The following CEP112 variants were observed in gnomAD, a reference collection of about 807,000 sequenced individuals.
CEP112 encodes the protein centrosomal protein of 112 kDa.
In CEP112, 127 loss-of-function variants were observed where a neutral mutation model predicts 153.0. That is an observed-to-expected ratio of 0.83 (90% CI 0.72 to 0.96). CEP112 has a LOEUF of 0.96. Ranked by LOEUF, CEP112 falls within the 40% of genes least tolerant of loss-of-function variation. The pLI is 0.00. For synonymous variants in CEP112, 358 were observed against 374.4 expected (o/e 0.96, Z 0.51); for missense variants, 1,089 against 1,101.2 (o/e 0.99, Z 0.16).
intron 6 of CEP112, among the ~76,000 whole-genome samples, chr17:66,097,152 A>C (rs1323779694): frequency 6.6e-6 from 1 of 152,206 alleles, no homozygotes; most frequent in Non-Finnish European, 1.5e-5. Context: ...TCTCCCTTTC[A>C]GATTCATCTA....
chr17:66,038,110 A>AAAAG (rs1555778646), intron 12 of CEP112, among the ~76,000 whole-genome samples: 5 of 120,708 alleles, frequency 4.1e-5, no homozygotes, highest in Admixed American at 8.1e-5. Context: ...CAAAAAAAAA[A>AAAAG]AAAAGAAAAG....
chr17:65,771,107 A>C (rs2053328528), intron 21 of CEP112, among the ~76,000 whole-genome samples: 1 of 152,068 alleles, frequency 6.6e-6, no homozygotes, highest in Non-Finnish European at 1.5e-5. Flanking sequence ...TTTTAAAAAA[A>C]AGTTTAACTA....
chr17:65,807,106 T>G (rs1568042524), intron 21 of CEP112, among the ~76,000 whole-genome samples: 1 of 152,094 alleles, frequency 6.6e-6, no homozygotes, highest in African/African-American at 2.4e-5. Flanking sequence ...GATAAAGAAC[T>G]TATTGGGAAG....
Position 65,928,249 on chromosome 17 carries a change from T to C in CEP112, c.1873-560A>G, listed in dbSNP as rs370489483. ...ACATATCACTTCATGCCCCAAAGAA[T>C]AGCAATAATAAAAAAGGACAAATAG... On this transcript the variant is annotated intron_variant, in intron 18 of 26. Transcript: ENST00000535342. 1.7e-4 allele frequency among the ~76,000 whole-genome samples: 26 copies of C among 152,204 alleles called. No individual in the cohort carries two copies. In the East Asian group the frequency reaches 2.3e-3, roughly 14 times the overall value.
chr17:65,989,641 A>G (rs2063526769), intron 17 of CEP112, among the ~76,000 whole-genome samples: 1 of 152,194 alleles, frequency 6.6e-6, no homozygotes, highest in Admixed American at 6.5e-5. Context: ...TTAGAAAGAA[A>G]AAAATACTAA....
chr17:66,149,107 A>C (rs2071049782), intron 4 of CEP112, among the ~76,000 whole-genome samples: 1 of 152,152 alleles, frequency 6.6e-6, no homozygotes, highest in Admixed American at 6.5e-5. Context: ...TTCTCCTTTG[A>C]TTCTGTTAAT....
At chr17:66,068,036 T>C (rs1197902863) in intron 9 of CEP112, among the ~76,000 whole-genome samples, 1 of 152,126 alleles carries the variant, frequency 6.6e-6, no homozygotes, top group African/African-American at 2.4e-5. Flanking sequence ...GCTCAAAATA[T>C]GTCAAAAATT....
chr17:65,921,321 T>C (rs1439885619), intron 19 of CEP112, among the ~76,000 whole-genome samples: 6 of 152,162 alleles, frequency 3.9e-5, no homozygotes, highest in South Asian at 4.1e-4. Context: ...TGCTGGCTTG[T>C]AGAGCTCACT....
intron 16 of CEP112, among the ~76,000 whole-genome samples, chr17:66,015,632 C>T (rs2064736863): frequency 6.6e-6 from 1 of 152,142 alleles, no homozygotes; most frequent in African/African-American, 2.4e-5. Context: ...TTTAGGTTTG[C>T]AAATAAGAAG....
At position 65,756,405 on chromosome 17, in the gene CEP112, CAAAAAAAAAAA is replaced by C. The variant is rs766476895; in HGVS notation, c.2395-5692_2395-5682del. Among the ~76,000 whole-genome samples, 228 of 30,520 alleles carry C rather than the reference CAAAAAAAAAAA, an allele frequency of 7.5e-3. 10 individuals are homozygous for C. The South Asian group carries it at 0.18, about 24-fold the overall frequency. The allele number at this position is 30,520 out of a possible 152,430, so 20.0% of individuals were successfully genotyped here. On this transcript the variant is annotated intron_variant, in intron 21 of 26. Transcript: ENST00000535342. ...TGTGTGATGCAGCAAGACTCCGTCT[CAAAAAAAAAAA>C]AAAAAAAAAAAAAAAAAGAAATCAG...
intron 8 of CEP112, among the ~76,000 whole-genome samples, chr17:66,088,887 C>T (rs1405347770): frequency 6.6e-6 from 1 of 152,118 alleles, no homozygotes; most frequent in Non-Finnish European, 1.5e-5. Context: ...CATCCCAGAA[C>T]CTGTCTGGCC....
intron 23 of CEP112, among the ~76,000 whole-genome samples, chr17:65,705,399 T>G (rs2048863176): frequency 6.6e-6 from 1 of 152,200 alleles, no homozygotes; most frequent in Non-Finnish European, 1.5e-5. Flanking sequence ...TAAAACTCTT[T>G]CTGAATAATT....
At chr17:65,907,273 G>A (rs751018179) in intron 19 of CEP112, among the ~76,000 whole-genome samples, 1 of 152,098 alleles carries the variant, frequency 6.6e-6, no homozygotes, top group Non-Finnish European at 1.5e-5. Flanking sequence ...CAATGATCAT[G>A]CCCATGTTCA....
At chr17:66,124,318 C>T (rs905871748) in intron 6 of CEP112, among the ~76,000 whole-genome samples, 60 of 152,136 alleles carry the variant, frequency 3.9e-4, no homozygotes, top group African/African-American at 1.3e-3. Flanking sequence ...ACTGGCCAAA[C>T]TCTGAAGGAA....
chr17:65,701,390 G>A (rs556713198), intron 23 of CEP112, among the ~76,000 whole-genome samples: 5 of 152,148 alleles, frequency 3.3e-5, no homozygotes, highest in Non-Finnish European at 5.9e-5. Flanking sequence ...TGCATGACAC[G>A]GATTCAACAG....
rs71361241 is a variant in CEP112 at position 65,667,558 on chromosome 17, T to TACACAC, written c.2697+21565_2697+21570dup. The stretch of plus-strand genomic sequence containing the variant: ...TGAGTTTTAACAACATTTGTACTCT[T>TACACAC]ACACACACACACACACACACACACA... On this transcript the variant is annotated intron_variant, in intron 24 of 26. Coordinates refer to ENST00000535342, the MANE Select transcript of CEP112 (RefSeq NM_001199165.4). 1.1e-3 allele frequency among the ~76,000 whole-genome samples: 166 copies of TACACAC among 149,264 alleles called. 2 individuals carry two copies. In the East Asian group the frequency reaches 0.013, roughly 12 times the overall value.
intron 24 of CEP112, among the ~76,000 whole-genome samples, chr17:65,642,390 T>C (rs941592970): frequency 4.6e-5 from 7 of 152,222 alleles, no homozygotes; most frequent in Non-Finnish European, 1.0e-4. Flanking sequence ...ATTAACAGTC[T>C]TTAAGACCGA....
At chr17:65,668,121 C>T (rs578027812) in intron 24 of CEP112, among the ~76,000 whole-genome samples, 1 of 152,234 alleles carries the variant, frequency 6.6e-6, no homozygotes, top group South Asian at 2.1e-4. Flanking sequence ...GTCTCGAACT[C>T]CTGACCTCAA....
At chr17:66,183,154 AAATT>A (rs763894128) in intron 2 of CEP112, 36 bp downstream of exon 2, 1 of 1,375,734 alleles carries the variant, frequency 7.3e-7, no homozygotes, top group Non-Finnish European at 1.0e-6. Context: ...ATAAAGAAAA[AAATT>A]AATCTTAAGA....
Sources: gnomAD v4.1 joint callset for allele counts (sites outside exome capture counted in the v4.1 genomes callset) on GRCh38, gnomAD v4.1.1 for gene constraint, MANE v1.5 for transcripts, NCBI Gene and HGNC (gene_info 2026-07-23, HGNC 2026-07-21) for gene names.